ALK: variants seen among roughly 807,000 people sequenced by gnomAD.
ALK encodes the protein ALK receptor tyrosine kinase, also known as ALK tyrosine kinase receptor.
Under a neutral mutation model 163.1 loss-of-function variants are expected in ALK, and 74 were observed. The ratio of observed to expected loss-of-function variants is 0.45; its 90% CI spans 0.38 to 0.55. ALK has a LOEUF of 0.55. Ranked by LOEUF, ALK falls within the 20% of genes least tolerant of loss-of-function variation. The probability of loss-of-function intolerance (pLI) is 0.00; values close to 1 mark genes in which losing one functional copy is unlikely to be tolerated. For synonymous variants in ALK, 960 were observed against 843.2 expected, an observed-to-expected ratio of 1.14 and a Z score of -2.40; for missense variants, 2,063 against 2,105.3, an observed-to-expected ratio of 0.98 and a Z score of 0.39.
chr2:29,413,636 A>C lies in ALK; in HGVS notation c.1155-29777T>G, dbSNP rs540731453. On this transcript the variant is annotated intron_variant, in intron 4 of 28. Coordinates refer to ENST00000389048, the MANE Select transcript of ALK (RefSeq NM_004304.5). ...AACCTCCACCTCCCAGGTTCAAGCA[A>C]GTCTCCTGCCTCAGCCTCCCAAGTA... Among the ~76,000 whole-genome samples, 7 of 152,252 alleles carry C rather than the reference A, an allele frequency of 4.6e-5. No individual in the cohort carries two copies. In the South Asian group the frequency reaches 1.5e-3, roughly 32 times the overall value.
At position 29,920,184 on chromosome 2, in the gene ALK, C is replaced by G; in HGVS notation, c.476G>C (p.Gly159Ala). The change falls in exon 1 of 29, where the codon GGG becomes GCG. Residue 159 changes from glycine to alanine, a missense_variant. This residue lies in a region of ALK where 987 missense variants were observed against 939.5 expected (regional missense o/e 1.05). Coordinates refer to ENST00000389048, the MANE Select transcript of ALK (RefSeq NM_004304.5). ...AILEGCVGPPGEAAVGLLQFN... is the reference protein window; with the variant it reads ...AILEGCVGPPAEAAVGLLQFN... ...CTGGAGCAGCCCCACAGCCGCCTCC[C>G]CGGGGGGCCCGACGCAACCCTCCAA... 6.2e-7 allele frequency: 1 copy of G among 1,613,476 alleles called. No homozygotes were observed. Among genetic ancestry groups the G allele is most frequent in the East Asian group, 2.2e-5 (1 of 44,866 alleles).
chr2:29,676,482 G>A (rs1677876624), intron 3 of ALK, among the ~76,000 whole-genome samples: 1 of 151,930 alleles, frequency 6.6e-6, no homozygotes, highest in Admixed American at 6.6e-5. Flanking sequence ...AATTAAACAT[G>A]TATTTATGGA....
chr2:29,252,161 A>G (rs1033167206), intron 11 of ALK, among the ~76,000 whole-genome samples: 1 of 151,174 alleles, frequency 6.6e-6, no homozygotes, highest in Admixed American at 6.6e-5. Context: ...AACACTCAGC[A>G]CAAACTGCAC....
intron 3 of ALK, among the ~76,000 whole-genome samples, chr2:29,568,200 G>A (rs945471859): frequency 7.2e-5 from 11 of 152,156 alleles, no homozygotes; most frequent in African/African-American, 2.2e-4. Flanking sequence ...GCCTGGCTGC[G>A]GAGCACTGAA....
chr2:29,435,812 C>T (rs888173331), intron 4 of ALK, among the ~76,000 whole-genome samples: 2 of 152,036 alleles, frequency 1.3e-5, no homozygotes, highest in Admixed American at 1.3e-4. Flanking sequence ...ACCTTACCTC[C>T]CACTTGTTAA....
intron 5 of ALK, among the ~76,000 whole-genome samples, chr2:29,336,891 G>A (rs369718757): frequency 1.3e-5 from 2 of 152,160 alleles, no homozygotes; most frequent in Non-Finnish European, 2.9e-5. Context: ...TTTGAGTGCT[G>A]CTTCAGTGAG....
rs116308799 is a variant in ALK, at chr2:29,346,037, G to A, written c.1283-17556C>T. Among the ~76,000 whole-genome samples the A allele has an allele frequency of 2.6e-3, 400 of 152,248 alleles. 2 individuals are homozygous for A. Among genetic ancestry groups the A allele is most frequent in the African/African-American group, 9.0e-3 (373 of 41,530 alleles). ...TTTCTGAATTTCTGTGTCCTATAATGGACATATATAACTTTTACAATCAAA... is the reference window on the plus strand; with the variant it reads ...TTTCTGAATTTCTGTGTCCTATAATAGACATATATAACTTTTACAATCAAA... On this transcript the variant is annotated intron_variant, in intron 5 of 28. Transcript: ENST00000389048.
chr2:29,244,709 G>T lies in ALK; in HGVS notation c.2205-4879C>A, dbSNP rs1465506803. ...GGAGGTTGAACTCAAACTTAATTCT[G>T]CCTGCAGCCCATCCATCTTTTCCTA... is the stretch of plus-strand genomic sequence containing the variant. On this transcript the variant is annotated intron_variant, in intron 12 of 28. Transcript: ENST00000389048. 2.0e-5 allele frequency among the ~76,000 whole-genome samples: 3 copies of T among 152,350 alleles called. No individual in the cohort carries two copies. The South Asian group carries it at 6.2e-4, about 32-fold the overall frequency.
chr2:29,633,145 G>A (rs1467731650), intron 3 of ALK, among the ~76,000 whole-genome samples: 2 of 133,386 alleles, frequency 1.5e-5, no homozygotes, highest in Non-Finnish European at 3.3e-5. Flanking sequence ...TTACACTTTG[G>A]GCTGGTGGTG....
intron 4 of ALK, among the ~76,000 whole-genome samples, chr2:29,521,578 A>G (rs750323501): frequency 2.0e-5 from 3 of 152,232 alleles, no homozygotes; most frequent in Non-Finnish European, 4.4e-5. Context: ...TTAGCCAGGC[A>G]TATGTGTGTC....
At chr2:29,587,834 A>G (rs559130836) in intron 3 of ALK, among the ~76,000 whole-genome samples, 1 of 152,244 alleles carries the variant, frequency 6.6e-6, no homozygotes, top group Non-Finnish European at 1.5e-5. Context: ...AAGCAACAAC[A>G]TATAGAAATA....
intron 12 of ALK, among the ~76,000 whole-genome samples, chr2:29,240,145 G>A (rs920216846): frequency 6.2e-5 from 8 of 129,620 alleles, no homozygotes; most frequent in Admixed American, 4.1e-4. Flanking sequence ...GAGAGAGAGG[G>A]AAACAGCAGA....
chr2:29,412,493 G>A (rs753427945), intron 4 of ALK, among the ~76,000 whole-genome samples: 1 of 152,170 alleles, frequency 6.6e-6, no homozygotes, highest in Admixed American at 6.5e-5. Flanking sequence ...ACCTGACATT[G>A]ACTTAGTCAC....
At chr2:29,630,986 T>C (rs1239859409) in intron 3 of ALK, among the ~76,000 whole-genome samples, 1 of 152,210 alleles carries the variant, frequency 6.6e-6, no homozygotes, top group East Asian at 1.9e-4. Context: ...TAAAAACATA[T>C]ATGTGCAACG....
intron 6 of ALK, among the ~76,000 whole-genome samples, chr2:29,322,664 T>C (rs1329276266): frequency 6.6e-6 from 1 of 152,102 alleles, no homozygotes; most frequent in East Asian, 1.9e-4. Flanking sequence ...GGAGACTCTG[T>C]CTTGACTAAA....
chr2:29,652,069 G>C (rs1305380487), intron 3 of ALK, among the ~76,000 whole-genome samples: 1 of 152,150 alleles, frequency 6.6e-6, no homozygotes, highest in African/African-American at 2.4e-5. Context: ...AGCTGGTAAA[G>C]GGAAGGTTAA....
At chr2:29,561,526 G>A (rs77176845) in intron 3 of ALK, among the ~76,000 whole-genome samples, 3,232 of 152,182 alleles carry the variant, frequency 0.021, 117 homozygotes, top group African/African-American at 0.074. Flanking sequence ...CACATCCATC[G>A]CGTCTGAAAA....
intron 1 of ALK, among the ~76,000 whole-genome samples, chr2:29,910,508 A>C (rs543541966): frequency 1.4e-4 from 21 of 152,322 alleles, no homozygotes; most frequent in African/African-American, 5.1e-4. Context: ...ACAAATTGCT[A>C]GGAGGAAAAA....
intron 3 of ALK, among the ~76,000 whole-genome samples, chr2:29,600,880 A>G (rs1171611374): frequency 6.6e-6 from 1 of 152,200 alleles, no homozygotes; most frequent in Non-Finnish European, 1.5e-5. Context: ...GGACCATGAA[A>G]GGGCTCAGTA....
Sources: gnomAD v4.1 joint callset for allele counts (sites outside exome capture counted in the v4.1 genomes callset) on GRCh38, gnomAD v4.1.1 for gene constraint, gnomAD v4.1.1 regional missense constraint, MANE v1.5 for transcripts, NCBI Gene and HGNC (gene_info 2026-07-23, HGNC 2026-07-21) for gene names.